EFEMP2: variants seen among roughly 807,000 people sequenced by gnomAD.
EFEMP2 encodes EGF-containing fibulin-like extracellular matrix protein 2.
EFEMP2 carries 21 observed loss-of-function variants against 55.3 expected under a neutral mutation model. That is an observed-to-expected ratio of 0.38 (90% CI 0.27 to 0.55). The LOEUF (loss-of-function observed/expected upper bound fraction) is 0.55. Among genes scored for constraint, EFEMP2 ranks in the 20% least tolerant of loss-of-function variants. The pLI, the probability that EFEMP2 is intolerant of heterozygous loss-of-function variation, is 0.77. For synonymous variants in EFEMP2, 275 were observed against 242.3 expected, an observed-to-expected ratio of 1.14 and a Z score of -1.25; for missense variants, 513 against 615.1, an observed-to-expected ratio of 0.83 and a Z score of 1.76.
chr11:65,870,693 C>T (rs1859950556), intron 4 of EFEMP2, 35 bp from the exon 5 acceptor site: 2 of 1,613,514 alleles, frequency 1.2e-6, no homozygotes, highest in Non-Finnish European at 1.7e-6. Context: ...TGCCTGGGAT[C>T]CCGCACACCA....
chr11:65,866,723 A>C lies in EFEMP2; in HGVS notation c.*195T>G. 9.4e-6 allele frequency: 7 copies of C among 745,818 alleles called. No homozygotes were observed. The highest frequency in any genetic ancestry group is 1.7e-5 in the African/African-American group (1 of 57,952). The allele number at this position is 745,818 out of a possible 1,614,324, so 46.2% of individuals were successfully genotyped here. A position where few individuals can be genotyped will look rare whatever the true frequency, so the allele number is the denominator to read the frequency against. ...TGGGGGCCCCTGGGCCTGAACATATAGAGACCCCCATTTAGGTGAACTTGG... is the reference window on the plus strand; with the variant it reads ...TGGGGGCCCCTGGGCCTGAACATATCGAGACCCCCATTTAGGTGAACTTGG... On this transcript the variant is annotated 3_prime_UTR_variant, in exon 11 of 11. Coordinates refer to ENST00000307998, the MANE Select transcript of EFEMP2 (RefSeq NM_016938.5).
chr11:65,868,405 C>T lies in EFEMP2; in HGVS notation c.864G>A (p.Glu288=), dbSNP rs759514025. The change falls in exon 9 of 11, where the codon GAG becomes GAA. Residue 288 remains glutamate (E), a synonymous_variant. Transcript: ENST00000307998. The part of the protein sequence containing the change: ...TRLCQDIDEC[E]SGAHQCSEAQ... The stretch of plus-strand genomic sequence containing the variant: ...CCTCGGAGCACTGGTGCGCACCAGA[C>T]TCACACTCATCAATGTCTGTGCCAG... The T allele has an allele frequency of 6.2e-7, 1 of 1,613,922 alleles. No individual in the cohort carries two copies. The highest frequency in any genetic ancestry group is 1.3e-5 in the African/African-American group (1 of 75,024).
chr11:65,872,643 C>T (rs765081275), intron 1 of EFEMP2, 40 bp downstream of exon 1: 12 of 292,388 alleles, frequency 4.1e-5, no homozygotes, highest in South Asian at 2.3e-4. Flanking sequence ...GCCGAGACTC[C>T]GGCCCACGCC....
At chr11:65,871,681 G>T in intron 3 of EFEMP2, 2 of 597,996 alleles carry the variant, frequency 3.3e-6, no homozygotes, top group South Asian at 2.0e-5. Flanking sequence ...CTCCCAGGTT[G>T]TGATGAGACA....
rs749651807 is a variant in EFEMP2 at position 65,870,182 on chromosome 11, G to C, written c.546C>G (p.Gly182=). 6.2e-7 allele frequency: 1 copy of C among 1,613,844 alleles called. No homozygotes were observed. The highest frequency in any genetic ancestry group is 1.3e-5 in the African/African-American group (1 of 75,046). The change falls in exon 6 of 11, where the codon GGC becomes GGG. Residue 182 remains glycine, a synonymous_variant. Coordinates refer to ENST00000307998, the MANE Select transcript of EFEMP2 (RefSeq NM_016938.5). The stretch of plus-strand genomic sequence containing the variant: ...CCGGCTCGCACTGGCAGCGGAAGGA[G>C]CCAGGCAGGTTCACGCAGCGGTGCT... The part of the protein sequence containing the change: ...YCQHRCVNLP[G]SFRCQCEPGF...
Position 65,870,846 on chromosome 11 carries a change from T to A in EFEMP2, c.368-188A>T, listed in dbSNP as rs1859953087. Reference sequence around the variant, plus strand: ...GGGTTGCACAGGAAATAAGGTCCTGTCCAAACATCCCCAGCAACACTGATT... The same window carrying A: ...GGGTTGCACAGGAAATAAGGTCCTGACCAAACATCCCCAGCAACACTGATT... On this transcript the variant is annotated intron_variant, in intron 4 of 10. Coordinates refer to ENST00000307998, the MANE Select transcript of EFEMP2 (RefSeq NM_016938.5). The A allele has an allele frequency of 6.2e-6, 5 of 811,660 alleles. No homozygotes were observed. In the East Asian group the frequency reaches 1.3e-4, roughly 22 times the overall value. The allele number at this position is 811,660 out of a possible 1,614,324, so 50.3% of individuals were successfully genotyped here.
At position 65,868,282 on chromosome 11, in the gene EFEMP2, C is replaced by T. The variant is rs1303048683; in HGVS notation, c.974+13G>A. 5 of 1,613,450 alleles carry T rather than the reference C, an allele frequency of 3.1e-6. No individual in the cohort carries two copies. In the East Asian group the frequency reaches 6.7e-5, roughly 22 times the overall value. On this transcript the variant is annotated intron_variant, in intron 9 of 10. Transcript: ENST00000307998. ...CGTAGTTTCTGTGGGGGCCTGGCAT[C>T]GAATTGACTCACTTCTCAGAGACCT... is the stretch of plus-strand genomic sequence containing the variant.
chr11:65,869,265 C>T (rs1305189322), intron 7 of EFEMP2: 4 of 196,884 alleles, frequency 2.0e-5, no homozygotes, highest in Non-Finnish European at 3.2e-5. Flanking sequence ...TCACCATTTA[C>T]CCAGGACTTT....
rs755876100 is a variant in EFEMP2, at chr11:65,871,340, G to A, written c.184C>T (p.Pro62Ser). 4 of 1,614,184 alleles carry A rather than the reference G, an allele frequency of 2.5e-6. No homozygotes were observed. Among genetic ancestry groups the A allele is most frequent in the Non-Finnish European group, 3.4e-6 (4 of 1,180,012 alleles). Residue 62 changes from proline to serine, a missense_variant, in exon 4 of 11, where the codon CCT becomes TCT. Pro to Ser is a moderately conservative substitution (Grantham distance 74, BLOSUM62 -1). Transcript: ENST00000307998. Reference protein sequence around the residue: ...CRDVNECLTIPEACKGEMKCI... With the variant: ...CRDVNECLTISEACKGEMKCI... ...TTCATTTCCCCCTTGCAGGCCTCAGGGATGGTCAGACACTCGTTGACATCT... is the reference window on the plus strand; with the variant it reads ...TTCATTTCCCCCTTGCAGGCCTCAGAGATGGTCAGACACTCGTTGACATCT...
At chr11:65,872,495 G>A (rs1859983317) in intron 1 of EFEMP2, 134 bp from the exon 2 acceptor site, 2 of 626,918 alleles carry the variant, frequency 3.2e-6, no homozygotes, top group Non-Finnish European at 5.6e-6. Flanking sequence ...CAGGGCTGGG[G>A]GCCGACTCCT....
rs1390973802 is a variant in EFEMP2, at chr11:65,870,577, G to A, written c.449C>T (p.Thr150Ile). The A allele has an allele frequency of 3.1e-6, 5 of 1,613,960 alleles. No homozygotes were observed. Among genetic ancestry groups the A allele is most frequent in the Non-Finnish European group, 4.2e-6 (5 of 1,179,944 alleles). ...CHNLPGSYQC[T>I]CPDGYRKIGP... ...GATCTTGCGGTAACCATCAGGGCAG[G>A]TGCACTGATAGGAGCCAGGCAAGTT... The change falls in exon 5 of 11, where the codon ACC becomes ATC. Residue 150 changes from threonine to isoleucine, a missense_variant. Thr to Ile is a moderately conservative substitution (Grantham distance 89, BLOSUM62 -1). Transcript: ENST00000307998.
At chr11:65,870,289 G>A in intron 5 of EFEMP2, 52 bp from the exon 6 acceptor site, 2 of 1,568,472 alleles carry the variant, frequency 1.3e-6, no homozygotes, top group East Asian at 2.2e-5. Flanking sequence ...CAGAGGGCAG[G>A]TGGGCTCGAG....
intron 2 of EFEMP2, 25 bp from the exon 3 acceptor site, chr11:65,872,043 G>A (rs1362490380): frequency 6.4e-7 from 1 of 1,551,534 alleles, no homozygotes; most frequent in Admixed American, 2.0e-5. Flanking sequence ...GAAGTGGCCA[G>A]TGGTCACCCT....
chr11:65,867,993 G>T lies in EFEMP2; in HGVS notation c.1038C>A (p.Arg346=), dbSNP rs1859889472. The part of the protein sequence containing the change: ...CREQPSSIVH[R]YMTITSERSV... ...TCCGCTCCGAGGTGATGGTCATGTAGCGGTGCACAATGGATGAAGGCTGCT... is the reference window on the plus strand; with the variant it reads ...TCCGCTCCGAGGTGATGGTCATGTATCGGTGCACAATGGATGAAGGCTGCT... Residue 346 remains arginine, a synonymous_variant, in exon 10 of 11, where the codon CGC becomes CGA. Coordinates refer to ENST00000307998, the MANE Select transcript of EFEMP2 (RefSeq NM_016938.5). The T allele has an allele frequency of 6.2e-7, 1 of 1,613,950 alleles. No individual in the cohort carries two copies. Among genetic ancestry groups the T allele is most frequent in the African/African-American group, 1.3e-5 (1 of 74,938 alleles).
Position 65,870,143 on chromosome 11 carries a change from C to T in EFEMP2, c.585G>A (p.Gly195=). 1 of 1,613,794 alleles carries T rather than the reference C, an allele frequency of 6.2e-7. No homozygotes were observed. The highest frequency in any genetic ancestry group is 8.5e-7 in the Non-Finnish European group (1 of 1,180,004). The part of the protein sequence containing the change: ...RCQCEPGFQL[G]PNNRSCVDVN... ...CACCAACACAGGAGCGGTTGTTAGG[C>T]CCCAGCTGGAAGCCCGGCTCGCACT... Residue 195 remains glycine, a synonymous_variant, in exon 6 of 11, where the codon GGG becomes GGA. Coordinates refer to ENST00000307998, the MANE Select transcript of EFEMP2 (RefSeq NM_016938.5).
chr11:65,868,148 C>G, intron 9 of EFEMP2, 92 bp from the exon 10 acceptor site: 1 of 1,558,784 alleles, frequency 6.4e-7, no homozygotes, highest in Non-Finnish European at 8.7e-7. Context: ...CCAAAAGGAC[C>G]CTTCTACCCC....
rs767033176 is a variant in EFEMP2, at chr11:65,871,272, G to A, written c.252C>T (p.Ser84=). ...CGTGTAGGTCGTTGATGACGGCAGCGGAGCGGGGCAGGCACAAGTAGCCCC... is the reference window on the plus strand; with the variant it reads ...CGTGTAGGTCGTTGATGACGGCAGCAGAGCGGGGCAGGCACAAGTAGCCCC... The part of the protein sequence containing the change: ...HYGGYLCLPR[S]AAVINDLHGE... Residue 84 remains serine, a synonymous_variant, in exon 4 of 11, where the codon TCC becomes TCT. Transcript: ENST00000307998. The A allele has an allele frequency of 7.4e-6, 12 of 1,613,872 alleles. No individual in the cohort carries two copies. The highest frequency in any genetic ancestry group is 1.0e-5 in the Non-Finnish European group (12 of 1,179,908).
At position 65,870,548 on chromosome 11, in the gene EFEMP2, G is replaced by A. The variant is rs1466813302; in HGVS notation, c.478C>T (p.Pro160Ser). The A allele has an allele frequency of 6.2e-7, 1 of 1,613,924 alleles. No individual in the cohort carries two copies. The highest frequency in any genetic ancestry group is 8.5e-7 in the Non-Finnish European group (1 of 1,179,940). ...TCPDGYRKIG[P>S]ECVDIDECRY... ...TTCCTGGACTCACCCACACACTCGG[G>A]CCCGATCTTGCGGTAACCATCAGGG... is the stretch of plus-strand genomic sequence containing the variant. Residue 160 changes from proline to serine, a missense_variant, in exon 5 of 11, where the codon CCC (proline) becomes TCC (serine). Physicochemically the swap from Pro to Ser is moderately conservative, Grantham distance 74. Transcript: ENST00000307998.
Position 65,866,821 on chromosome 11 carries a change from G to GGT in EFEMP2, c.*96_*97insAC. The GGT allele has an allele frequency of 1.3e-6, 2 of 1,494,366 alleles. No homozygotes were observed. The highest frequency in any genetic ancestry group is 1.8e-6 in the Non-Finnish European group (2 of 1,086,720). 92.6% of individuals were successfully genotyped at this position (1,494,366 alleles called of 1,614,324 possible). On this transcript the variant is annotated 3_prime_UTR_variant, in exon 11 of 11. Coordinates refer to ENST00000307998, the MANE Select transcript of EFEMP2 (RefSeq NM_016938.5). ...TGTGACCCGCCCACCTCAGCCACCA[G>GGT]GACTTTCTTTCTCCCTTTATTGCCT... is the stretch of plus-strand genomic sequence containing the variant.
Sources: gnomAD v4.1 joint callset for allele counts on GRCh38, gnomAD v4.1.1 for gene constraint, MANE v1.5 for transcripts, NCBI Gene and HGNC (gene_info 2026-07-23, HGNC 2026-07-21) for gene names.